The following NDUFS4 variants were observed in gnomAD, a reference collection of about 807,000 sequenced individuals.
NDUFS4 encodes NADH:ubiquinone oxidoreductase subunit S4, also known as NADH dehydrogenase [ubiquinone] iron-sulfur protein 4, mitochondrial.
Under a neutral mutation model 24.3 loss-of-function variants are expected in NDUFS4, and 28 were observed. The observed-to-expected ratio is 1.15, with a 90% CI of 0.85 to 1.58. The LOEUF is 1.58. Ranked by LOEUF, NDUFS4 falls within the 40% of genes most tolerant of loss-of-function variation. The pLI is 0.00. For synonymous variants in NDUFS4, 93 were observed against 69.7 expected, an observed-to-expected ratio of 1.34 and a Z score of -1.67; for missense variants, 223 against 207.9, an observed-to-expected ratio of 1.07 and a Z score of -0.45.
chr5:53,589,789 T>C (rs964391420), intron 1 of NDUFS4, among the ~76,000 whole-genome samples: 26 of 152,196 alleles, frequency 1.7e-4, no homozygotes, highest in African/African-American at 5.8e-4. Flanking sequence ...TAAAGCAGGC[T>C]GAAAAACATG....
rs1011354165 is a variant in NDUFS4 at position 53,645,424 on chromosome 5, A to G, written c.178-809A>G. On this transcript the variant is annotated intron_variant, in intron 2 of 4. Transcript: ENST00000296684. ...GGAATAAATAAGTTTTAAACTCTGA[A>G]TTACTTTACTAATTTGTGTCCTGAC... 5.3e-5 allele frequency among the ~76,000 whole-genome samples: 8 copies of G among 152,134 alleles called. No individual in the cohort carries two copies. The East Asian group carries it at 7.7e-4, about 15-fold the overall frequency.
At chr5:53,597,856 T>G (rs1003588189) in intron 1 of NDUFS4, among the ~76,000 whole-genome samples, 14 of 152,206 alleles carry the variant, frequency 9.2e-5, no homozygotes, top group African/African-American at 3.4e-4. Flanking sequence ...AACACGTATC[T>G]CATAAAGAAC....
intron 1 of NDUFS4, among the ~76,000 whole-genome samples, chr5:53,579,924 A>G (rs1053789590): frequency 6.6e-6 from 1 of 152,238 alleles, no homozygotes; most frequent in Non-Finnish European, 1.5e-5. Context: ...AAAAGCTAGA[A>G]GAAACAAGAA....
At chr5:53,641,420 C>T (rs1751703540) in intron 2 of NDUFS4, among the ~76,000 whole-genome samples, 1 of 152,166 alleles carries the variant, frequency 6.6e-6, no homozygotes, top group Non-Finnish European at 1.5e-5. Context: ...ATATTATCCA[C>T]AGCAGTTCAT....
intron 4 of NDUFS4, among the ~76,000 whole-genome samples, chr5:53,679,060 G>GAA (rs1457840059): frequency 6.6e-6 from 1 of 152,140 alleles, no homozygotes; most frequent in African/African-American, 2.4e-5. Flanking sequence ...CTACATAGCA[G>GAA]AAAAGTTTTC....
chr5:53,565,389 A>G (rs1748986065), intron 1 of NDUFS4, among the ~76,000 whole-genome samples: 1 of 152,246 alleles, frequency 6.6e-6, no homozygotes, highest in African/African-American at 2.4e-5. Flanking sequence ...GGACCGATAT[A>G]TCAGCAGTGA....
At position 53,680,490 on chromosome 5, in the gene NDUFS4, C is replaced by T. The variant is rs543896766; in HGVS notation, c.425-2628C>T. Among the ~76,000 whole-genome samples the T allele has an allele frequency of 7.2e-5, 11 of 152,296 alleles. No homozygotes were observed. In the South Asian group the frequency reaches 1.9e-3, roughly 26 times the overall value. On this transcript the variant is annotated intron_variant, in intron 4 of 4. Coordinates refer to ENST00000296684, the MANE Select transcript of NDUFS4 (RefSeq NM_002495.4). ...GGATTAAGAAAAAGTGGCACATATA[C>T]ACCATGGAATACTATGTAGCCATAA...
At position 53,630,285 on chromosome 5, in the gene NDUFS4, C is replaced by T. The variant is rs775952776; in HGVS notation, c.178-15948C>T. On this transcript the variant is annotated intron_variant, in intron 2 of 4. Transcript: ENST00000296684. ...GATGGGCTTCCCTTTGTGGTTAACT[C>T]GACCTTTTTCTCTGGCTGCCCTTAA... is the stretch of plus-strand genomic sequence containing the variant. 1.5e-3 allele frequency among the ~76,000 whole-genome samples: 233 copies of T among 152,126 alleles called. 1 individual carries two copies. The highest frequency in any genetic ancestry group is 1.2e-3 in the Non-Finnish European group (79 of 67,994).
intron 2 of NDUFS4, among the ~76,000 whole-genome samples, chr5:53,617,741 T>G (rs1750889942): frequency 6.6e-6 from 1 of 152,176 alleles, no homozygotes; most frequent in South Asian, 2.1e-4. Flanking sequence ...TTAGAAACAT[T>G]TAATAACTGA....
At chr5:53,653,159 T>TC (rs764369412) in intron 3 of NDUFS4, among the ~76,000 whole-genome samples, 187 of 137,770 alleles carry the variant, frequency 1.4e-3, no homozygotes, top group Non-Finnish European at 2.2e-3. Flanking sequence ...ATTTTAAAAA[T>TC]GTTTTTTTTG....
chr5:53,635,212 T>TC (rs1300183171), intron 2 of NDUFS4, among the ~76,000 whole-genome samples: 2 of 150,922 alleles, frequency 1.3e-5, no homozygotes, highest in Admixed American at 1.3e-4. Flanking sequence ...AATAAATAAA[T>TC]AACCAACCAA....
At chr5:53,603,303 G>A (rs1750386197) in intron 1 of NDUFS4, 149 bp from the exon 2 acceptor site, 1 of 640,602 alleles carries the variant, frequency 1.6e-6, no homozygotes, top group Admixed American at 2.8e-5. Context: ...AGAGAAAAAG[G>A]ACTTTTGTGC....
intron 2 of NDUFS4, among the ~76,000 whole-genome samples, chr5:53,629,516 GTC>G (rs1751336760): frequency 6.6e-6 from 1 of 152,150 alleles, no homozygotes; most frequent in Non-Finnish European, 1.5e-5. Flanking sequence ...GGGAGGCTAA[GTC>G]TCTCTGTAGG....
intron 2 of NDUFS4, among the ~76,000 whole-genome samples, chr5:53,636,673 GA>G (rs1310190792): frequency 7.2e-5 from 11 of 152,156 alleles, no homozygotes; most frequent in Non-Finnish European, 1.6e-4. Context: ...CTGACGTGGA[GA>G]TGTAATCCCC....
At chr5:53,586,343 AAAC>A (rs1749753612) in intron 1 of NDUFS4, among the ~76,000 whole-genome samples, 1 of 151,770 alleles carries the variant, frequency 6.6e-6, no homozygotes, top group Admixed American at 6.6e-5. Context: ...AAAAAAAAAA[AAAC>A]AAACCAAAAC....
intron 1 of NDUFS4, among the ~76,000 whole-genome samples, chr5:53,586,219 C>T (rs145376396): frequency 2.2e-3 from 329 of 150,764 alleles, no homozygotes; most frequent in African/African-American, 7.7e-3. Context: ...ATCCTAGCTA[C>T]TCAGGAGGCT....
intron 4 of NDUFS4, among the ~76,000 whole-genome samples, chr5:53,666,019 G>T (rs1223747063): frequency 1.3e-5 from 2 of 152,158 alleles, no homozygotes; most frequent in African/African-American, 4.8e-5. Flanking sequence ...AGGTTCTTAA[G>T]TGCAATTCCT....
At position 53,658,549 on chromosome 5, in the gene NDUFS4, A is replaced by C; in HGVS notation, c.351-2A>C. 6.2e-7 allele frequency: 1 copy of C among 1,612,748 alleles called. No individual in the cohort carries two copies. The highest frequency in any genetic ancestry group is 1.1e-5 in the South Asian group (1 of 91,016). ...TCTTGGAAAAAAATTTGTTTCTTAC[A>C]GGGCTGATCCCTTATCCAACATGGT... On this transcript the variant is annotated splice_acceptor_variant, in intron 3 of 4. Transcript: ENST00000296684. LOFTEE classifies it high-confidence loss of function.
In NDUFS4 at chr5:53,662,793, A is replaced by G. The variant is rs530003357; in HGVS notation, c.424+4169A>G. On this transcript the variant is annotated intron_variant, in intron 4 of 4. Transcript: ENST00000296684. ...CTAATTTATTTGCATAGAGGTGCTT[A>G]TAGTATATTCTCTGGTGGTAACTAA... 3.9e-5 allele frequency among the ~76,000 whole-genome samples: 3 copies of G among 77,246 alleles called. No individual in the cohort carries two copies. In the South Asian group the frequency reaches 1.3e-3, roughly 34 times the overall value. 50.7% of individuals were successfully genotyped at this position (77,246 alleles called of 152,430 possible). A position where few individuals can be genotyped will look rare whatever the true frequency, so the allele number is the denominator to read the frequency against.
Sources: allele counts gnomAD v4.1 joint callset (sites outside exome capture counted in the v4.1 genomes callset), GRCh38; gene constraint gnomAD v4.1.1; transcripts MANE v1.5; gene names NCBI Gene and HGNC (gene_info 2026-07-23, HGNC 2026-07-21).